Variants in KCTD16 observed in about 807,000 individuals in gnomAD.
KCTD16 encodes the protein BTB/POZ domain-containing protein KCTD16.
Under a neutral mutation model 33.2 loss-of-function variants are expected in KCTD16, and 13 were observed. The ratio of observed to expected loss-of-function variants is 0.39; its 90% confidence interval spans 0.25 to 0.62. The LOEUF (loss-of-function observed/expected upper bound fraction) is 0.62, where lower values mean the gene tolerates loss of function less well. KCTD16 is among the 20% of genes least tolerant of loss of function. The probability of loss-of-function intolerance (pLI) is 0.50; values close to 1 mark genes in which losing one functional copy is unlikely to be tolerated. For missense variants in KCTD16, 441 were observed against 525.1 expected, an observed-to-expected ratio of 0.84 and a Z score of 1.57; for synonymous variants, 197 against 195.3, an observed-to-expected ratio of 1.01 and a Z score of -0.07.
At chr5:144,278,562 A>G (rs1325970275) in intron 3 of KCTD16, among the ~76,000 whole-genome samples, 1 of 144,454 alleles carries the variant, frequency 6.9e-6, no homozygotes, top group Non-Finnish European at 1.5e-5. Context: ...CAGTGGCGCA[A>G]TCTTGGCTCA....
intron 2 of KCTD16, among the ~76,000 whole-genome samples, chr5:144,196,638 G>A (rs1461636184): frequency 6.6e-6 from 1 of 152,084 alleles, no homozygotes; most frequent in African/African-American, 2.4e-5. Context: ...GATTGTTCAA[G>A]GGACACCAGG....
chr5:144,353,871 T>C (rs1203335297), intron 3 of KCTD16, among the ~76,000 whole-genome samples: 2 of 148,786 alleles, frequency 1.3e-5, no homozygotes, highest in African/African-American at 2.6e-5. Context: ...AACTCTGGTG[T>C]TTTATTTTTT....
At chr5:144,366,657 G>C (rs1246901197) in intron 3 of KCTD16, among the ~76,000 whole-genome samples, 2 of 152,014 alleles carry the variant, frequency 1.3e-5, no homozygotes, top group African/African-American at 2.4e-5. Flanking sequence ...ATAATCCCTG[G>C]GGTCTGCACT....
At chr5:144,218,158 TG>T (rs1338713201) in intron 3 of KCTD16, among the ~76,000 whole-genome samples, 1 of 152,140 alleles carries the variant, frequency 6.6e-6, no homozygotes, top group Non-Finnish European at 1.5e-5. Context: ...AATTCACCTG[TG>T]AACAGAAGCA....
At chr5:144,268,642 T>G (rs1420944639) in intron 3 of KCTD16, among the ~76,000 whole-genome samples, 1 of 152,164 alleles carries the variant, frequency 6.6e-6, no homozygotes, top group Non-Finnish European at 1.5e-5. Flanking sequence ...AGTTATCAGT[T>G]TATTAGATTC....
intron 3 of KCTD16, among the ~76,000 whole-genome samples, chr5:144,465,948 C>A (rs1298536436): frequency 6.6e-6 from 1 of 152,050 alleles, no homozygotes; most frequent in Non-Finnish European, 1.5e-5. Flanking sequence ...AAGTGATTCT[C>A]CAGTCTCAGC....
At chr5:144,205,191 C>T (rs924110299) in intron 2 of KCTD16, 1 of 221,966 alleles carries the variant, frequency 4.5e-6, no homozygotes. Flanking sequence ...CGCAGCACTG[C>T]GTCCCCGCCC....
In KCTD16 at chr5:144,452,146, T is replaced by TTATATATATATATATA. The variant is rs140891816; in HGVS notation, c.833-21510_833-21495dup. On this transcript the variant is annotated intron_variant, in intron 3 of 3. Transcript: ENST00000512467. ...CAAAACACATTAAATATATATAATA[T>TTATATATATATATATA]TATATATATATATATATATTCCTGT... Among the ~76,000 whole-genome samples, 542 of 138,134 alleles carry TTATATATATATATATA rather than the reference T, an allele frequency of 3.9e-3. 14 individuals are homozygous for TTATATATATATATATA. The highest frequency in any genetic ancestry group is 0.015 in the African/African-American group (511 of 33,796). 90.6% of individuals were successfully genotyped at this position (138,134 alleles called of 152,430 possible).
At chr5:144,356,366 A>G (rs1326986679) in intron 3 of KCTD16, among the ~76,000 whole-genome samples, 2 of 152,166 alleles carry the variant, frequency 1.3e-5, no homozygotes, top group Non-Finnish European at 2.9e-5. Flanking sequence ...ACTCATTCAA[A>G]CAAACCTTTA....
At chr5:144,373,704 A>T (rs978992906) in intron 3 of KCTD16, among the ~76,000 whole-genome samples, 1 of 152,250 alleles carries the variant, frequency 6.6e-6, no homozygotes, top group African/African-American at 2.4e-5. Flanking sequence ...TCTTGTATAA[A>T]TATCATCAGG....
intron 3 of KCTD16, among the ~76,000 whole-genome samples, chr5:144,471,817 A>G (rs186846488): frequency 6.6e-6 from 1 of 152,192 alleles, no homozygotes; most frequent in African/African-American, 2.4e-5. Flanking sequence ...ATTTAATTTA[A>G]TGGCTCTATA....
intron 3 of KCTD16, among the ~76,000 whole-genome samples, chr5:144,209,908 GTATA>G (rs145389174): frequency 7.0e-6 from 1 of 142,336 alleles, no homozygotes. Flanking sequence ...GTATATATAT[GTATA>G]TATATATATA....
At chr5:144,213,298 C>T (rs1278915647) in intron 3 of KCTD16, among the ~76,000 whole-genome samples, 16 of 152,020 alleles carry the variant, frequency 1.1e-4, no homozygotes, top group Non-Finnish European at 4.4e-5. Flanking sequence ...GTCCATCTTA[C>T]ATCTCTTTTA....
At chr5:144,315,490 A>G (rs963623155) in intron 3 of KCTD16, among the ~76,000 whole-genome samples, 8 of 152,192 alleles carry the variant, frequency 5.3e-5, no homozygotes, top group Admixed American at 4.6e-4. Flanking sequence ...GAAATACTAA[A>G]GTAGAAAATG....
intron 3 of KCTD16, among the ~76,000 whole-genome samples, chr5:144,441,359 C>T (rs917131761): frequency 1.3e-5 from 2 of 152,020 alleles, no homozygotes; most frequent in African/African-American, 2.4e-5. Context: ...AAAAGATTTA[C>T]TTTTGTTTTC....
At chr5:144,260,112 T>C (rs965072594) in intron 3 of KCTD16, among the ~76,000 whole-genome samples, 8 of 152,198 alleles carry the variant, frequency 5.3e-5, no homozygotes, top group African/African-American at 1.7e-4. Flanking sequence ...AAATAAGAGA[T>C]AGAGCAATTG....
chr5:144,220,217 G>T (rs1753699506), intron 3 of KCTD16, among the ~76,000 whole-genome samples: 1 of 152,152 alleles, frequency 6.6e-6, no homozygotes, highest in Non-Finnish European at 1.5e-5. Context: ...AGGCTTCAGT[G>T]GGTTTTCCTT....
chr5:144,294,432 A>T (rs532095827), intron 3 of KCTD16, among the ~76,000 whole-genome samples: 1 of 152,136 alleles, frequency 6.6e-6, no homozygotes, highest in African/African-American at 2.4e-5. Flanking sequence ...GAGATGTTTA[A>T]TGGTGCTCAT....
intron 3 of KCTD16, among the ~76,000 whole-genome samples, chr5:144,225,322 A>T (rs1250701471): frequency 6.6e-6 from 1 of 152,102 alleles, no homozygotes; most frequent in Non-Finnish European, 1.5e-5. Context: ...ATTGGGCCGA[A>T]ATCTGACAAT....
Sources: gnomAD v4.1 joint callset for allele counts (sites outside exome capture counted in the v4.1 genomes callset) on GRCh38, gnomAD v4.1.1 for gene constraint, MANE v1.5 for transcripts, NCBI Gene and HGNC (gene_info 2026-07-23, HGNC 2026-07-21) for gene names.